The following GALNTL6 variants were observed in gnomAD, a reference collection of about 807,000 sequenced individuals.
GALNTL6 encodes polypeptide N-acetylgalactosaminyltransferase-like 6.
In GALNTL6, 46 loss-of-function variants were observed where a neutral mutation model predicts 73.7. That is an observed-to-expected ratio of 0.62 (90% CI 0.49 to 0.80). The LOEUF (loss-of-function observed/expected upper bound fraction) is 0.80. Ranked by LOEUF, GALNTL6 falls within the 30% of genes least tolerant of loss-of-function variation. GALNTL6 has a pLI of 0.00. For synonymous variants in GALNTL6, 259 were observed against 263.7 expected, an observed-to-expected ratio of 0.98 and a Z score of 0.17; for missense variants, 604 against 755.0, an observed-to-expected ratio of 0.80 and a Z score of 2.34.
chr4:172,101,295 T>G lies in GALNTL6; in HGVS notation c.139-128361T>G, dbSNP rs542472441. ...CACTTTCTATGCTCTTTCCAATCCA[T>G]AGCTATAAAGTAGACTATAAATTCA... is the stretch of plus-strand genomic sequence containing the variant. On this transcript the variant is annotated intron_variant, in intron 2 of 12. Transcript: ENST00000506823. Among the ~76,000 whole-genome samples, 17 of 152,296 alleles carry G rather than the reference T, an allele frequency of 1.1e-4. No homozygotes were observed. In the South Asian group the frequency reaches 2.9e-3, roughly 26 times the overall value.
intron 2 of GALNTL6, among the ~76,000 whole-genome samples, chr4:172,032,277 G>A (rs1741791925): frequency 6.6e-6 from 1 of 152,010 alleles, no homozygotes; most frequent in African/African-American, 2.4e-5. Context: ...TTTATAATTT[G>A]AAAGAGATTA....
intron 5 of GALNTL6, among the ~76,000 whole-genome samples, chr4:172,719,345 C>T (rs1029673961): frequency 1.3e-5 from 2 of 152,116 alleles, no homozygotes; most frequent in Non-Finnish European, 2.9e-5. Flanking sequence ...TAGCTGGCAA[C>T]CAAGAACCAA....
chr4:172,276,973 T>G (rs530943151), intron 3 of GALNTL6, among the ~76,000 whole-genome samples: 4 of 152,274 alleles, frequency 2.6e-5, no homozygotes, highest in East Asian at 1.9e-4. Flanking sequence ...GTTTGATAGT[T>G]TTGACCATTA....
chr4:173,018,041 T>C (rs1379054708), intron 11 of GALNTL6, among the ~76,000 whole-genome samples: 2 of 152,166 alleles, frequency 1.3e-5, no homozygotes, highest in Non-Finnish European at 1.5e-5. Flanking sequence ...TACATTCCCT[T>C]TAAGCTCTGG....
At chr4:171,970,657 C>T (rs899022285) in intron 2 of GALNTL6, among the ~76,000 whole-genome samples, 1 of 152,122 alleles carries the variant, frequency 6.6e-6, no homozygotes, top group African/African-American at 2.4e-5. Flanking sequence ...CAAGCTTTTG[C>T]ATATTTCACA....
intron 5 of GALNTL6, among the ~76,000 whole-genome samples, chr4:172,573,542 T>C (rs1328047912): frequency 6.6e-6 from 1 of 152,166 alleles, no homozygotes; most frequent in African/African-American, 2.4e-5. Context: ...TCCAGTAATC[T>C]ATTATAATAA....
intron 3 of GALNTL6, among the ~76,000 whole-genome samples, chr4:172,261,611 C>G (rs541427505): frequency 9.3e-5 from 14 of 151,170 alleles, no homozygotes; most frequent in South Asian, 6.2e-4. Flanking sequence ...TAGTTCTGCT[C>G]TGATCTTTAT....
At chr4:172,319,533 C>A (rs1279456607) in intron 4 of GALNTL6, among the ~76,000 whole-genome samples, 1 of 152,040 alleles carries the variant, frequency 6.6e-6, no homozygotes, top group Non-Finnish European at 1.5e-5. Context: ...GATAATTGTA[C>A]TTGATTTTAC....
At chr4:172,766,810 A>G (rs185765756) in intron 5 of GALNTL6, among the ~76,000 whole-genome samples, 1 of 152,374 alleles carries the variant, frequency 6.6e-6, no homozygotes, top group East Asian at 1.9e-4. Context: ...GGAAGAGAAT[A>G]GTGCCAACGA....
intron 7 of GALNTL6, among the ~76,000 whole-genome samples, chr4:172,822,647 A>T (rs1236833067): frequency 1.3e-5 from 2 of 152,142 alleles, no homozygotes; most frequent in Non-Finnish European, 2.9e-5. Flanking sequence ...TGAATTCTTC[A>T]TGCCAACCAC....
At chr4:172,542,790 G>A (rs1260640957) in intron 5 of GALNTL6, among the ~76,000 whole-genome samples, 1 of 152,072 alleles carries the variant, frequency 6.6e-6, no homozygotes, top group Non-Finnish European at 1.5e-5. Context: ...TTCCACAAAG[G>A]TAGAAAGAAA....
intron 2 of GALNTL6, among the ~76,000 whole-genome samples, chr4:172,119,099 T>C (rs889419120): frequency 1.3e-5 from 2 of 152,142 alleles, no homozygotes; most frequent in Non-Finnish European, 2.9e-5. Flanking sequence ...TGTGTGAATA[T>C]TGGTTTCAAT....
intron 3 of GALNTL6, among the ~76,000 whole-genome samples, chr4:172,263,964 A>G (rs1047569747): frequency 2.0e-5 from 3 of 151,666 alleles, no homozygotes; most frequent in African/African-American, 4.8e-5. Context: ...ATTAAAATAT[A>G]TATGTCTCCA....
chr4:172,959,827 C>T (rs567860758), intron 10 of GALNTL6, among the ~76,000 whole-genome samples: 59 of 152,300 alleles, frequency 3.9e-4, no homozygotes, highest in Admixed American at 2.3e-3. Flanking sequence ...ATATCCAGCA[C>T]TTGTAGCAAG....
chr4:172,541,069 C>G (rs892156919), intron 5 of GALNTL6, among the ~76,000 whole-genome samples: 1 of 152,082 alleles, frequency 6.6e-6, no homozygotes, highest in South Asian at 2.1e-4. Flanking sequence ...GATATTTTGG[C>G]CTAAAATATT....
chr4:171,852,009 A>C (rs1735535992), intron 2 of GALNTL6, among the ~76,000 whole-genome samples: 1 of 152,240 alleles, frequency 6.6e-6, no homozygotes, highest in African/African-American at 2.4e-5. Context: ...ATTCATGCTG[A>C]AATGCAAAAT....
In GALNTL6 at chr4:172,817,244, A is replaced by G. The variant is rs562920504; in HGVS notation, c.923+3521A>G. Reference sequence around the variant, plus strand: ...AGTTTGAGACGAGCCTGGGCAACATAGCAAAACCCTGTCTCTACGAAAAAA... The same window carrying G: ...AGTTTGAGACGAGCCTGGGCAACATGGCAAAACCCTGTCTCTACGAAAAAA... On this transcript the variant is annotated intron_variant, in intron 7 of 12. Transcript: ENST00000506823. Among the ~76,000 whole-genome samples, 5 of 152,078 alleles carry G rather than the reference A, an allele frequency of 3.3e-5. No homozygotes were observed. In the South Asian group the frequency reaches 8.3e-4, roughly 25 times the overall value.
intron 2 of GALNTL6, among the ~76,000 whole-genome samples, chr4:171,877,783 A>G (rs1736319639): frequency 6.6e-6 from 1 of 152,240 alleles, no homozygotes; most frequent in Admixed American, 6.5e-5. Flanking sequence ...TGAGTCAGGC[A>G]GAACTAATTT....
At chr4:171,997,727 T>G (rs1422234303) in intron 2 of GALNTL6, among the ~76,000 whole-genome samples, 1 of 151,986 alleles carries the variant, frequency 6.6e-6, no homozygotes, top group Non-Finnish European at 1.5e-5. Flanking sequence ...AATAAACATC[T>G]TAAGGAAAGA....
Sources: allele counts gnomAD v4.1 joint callset (sites outside exome capture counted in the v4.1 genomes callset), GRCh38; gene constraint gnomAD v4.1.1; transcripts MANE v1.5; gene names NCBI Gene and HGNC (gene_info 2026-07-23, HGNC 2026-07-21).